DRC11: variants seen among roughly 807,000 people sequenced by gnomAD.
DRC11 encodes the protein IQ and AAA domain-containing protein 1.
the DRC11 span, among the ~76,000 whole-genome samples, chr2:236,344,385 C>A: frequency 6.6e-6 from 1 of 152,132 alleles, no homozygotes; most frequent in Non-Finnish European, 1.5e-5. Context: ...AAAGTCAGAC[C>A]ACAGAACCCT....
the DRC11 span, among the ~76,000 whole-genome samples, chr2:236,491,059 T>TATACAC: frequency 1.8e-4 from 25 of 138,220 alleles, no homozygotes; most frequent in African/African-American, 6.5e-4. Context: ...TATATATATA[T>TATACAC]ACACACAGTA....
At chr2:236,356,989 T>A in the DRC11 span, among the ~76,000 whole-genome samples, 5 of 97,376 alleles carry the variant, frequency 5.1e-5, no homozygotes, top group East Asian at 2.3e-4. Context: ...ATATATTATA[T>A]ATCTATATAT....
chr2:236,451,125 G>C, the DRC11 span, among the ~76,000 whole-genome samples: 2 of 151,858 alleles, frequency 1.3e-5, no homozygotes. Context: ...GCATATCCTT[G>C]ATTGTTAAAA....
chr2:236,357,067 C>CGTATATATCG, the DRC11 span, among the ~76,000 whole-genome samples: 2 of 116,050 alleles, frequency 1.7e-5, no homozygotes, highest in African/African-American at 6.5e-5. Context: ...TTTATATATT[C>CGTATATATCG]ATATATTATA....
At chr2:236,431,047 G>A in the DRC11 span, among the ~76,000 whole-genome samples, 1 of 152,132 alleles carries the variant, frequency 6.6e-6, no homozygotes, top group African/African-American at 2.4e-5. This position sits in a 1 kb window ranked among gnomAD's most constrained non-coding sequence, Gnocchi z 4.2. Context: ...TTTTATTGAA[G>A]CATATCATAT....
chr2:236,379,887 C>T, the DRC11 span, among the ~76,000 whole-genome samples: 2 of 151,244 alleles, frequency 1.3e-5, no homozygotes, highest in African/African-American at 4.9e-5. Context: ...AGCGACAGGA[C>T]CAAGGGAGAG....
the DRC11 span, among the ~76,000 whole-genome samples, chr2:236,430,242 TTG>T: frequency 2.6e-5 from 4 of 152,090 alleles, no homozygotes; most frequent in Non-Finnish European, 4.4e-5. This position sits in a 1 kb window ranked among gnomAD's most constrained non-coding sequence, Gnocchi z 6.0. Context: ...ACTGGCATTG[TTG>T]TGTTATGTTT....
the DRC11 span, among the ~76,000 whole-genome samples, chr2:236,450,699 C>G: frequency 2.6e-5 from 4 of 152,252 alleles, no homozygotes; most frequent in South Asian, 2.1e-4. Flanking sequence ...ATTCTTACTA[C>G]GTTTTTAACC....
the DRC11 span, among the ~76,000 whole-genome samples, chr2:236,357,329 CAT>C: frequency 9.1e-5 from 8 of 87,964 alleles, no homozygotes; most frequent in African/African-American, 6.3e-4. Flanking sequence ...TATATATATT[CAT>C]ATATGAATAT....
At chr2:236,492,950 C>T in the DRC11 span, among the ~76,000 whole-genome samples, 1 of 152,228 alleles carries the variant, frequency 6.6e-6, no homozygotes, top group Non-Finnish European at 1.5e-5. Flanking sequence ...TTATTCTTCC[C>T]CCAATGACAG....
At chr2:236,406,290 T>C in the DRC11 span, among the ~76,000 whole-genome samples, 1 of 152,230 alleles carries the variant, frequency 6.6e-6, no homozygotes, top group Admixed American at 6.5e-5. This position sits in a 1 kb window ranked among gnomAD's most constrained non-coding sequence, Gnocchi z 4.7. Flanking sequence ...CTACTGCTAT[T>C]ATTTCCTGCC....
At chr2:236,483,133 C>G in the DRC11 span, among the ~76,000 whole-genome samples, 1 of 152,198 alleles carries the variant, frequency 6.6e-6, no homozygotes, top group African/African-American at 2.4e-5. The surrounding 1 kb of genome is among the most constrained non-coding windows in gnomAD (Gnocchi z 4.8). Context: ...TGAAATCATA[C>G]AGTATTTGTC....
At chr2:236,310,200 T>G in the DRC11 span, among the ~76,000 whole-genome samples, 1 of 152,164 alleles carries the variant, frequency 6.6e-6, no homozygotes, top group African/African-American at 2.4e-5. The surrounding 1 kb of genome is among the most constrained non-coding windows in gnomAD (Gnocchi z 5.5). Context: ...CTGGGAAAGA[T>G]CTACACTCCT....
At chr2:236,336,467 CACT>C in the DRC11 span, among the ~76,000 whole-genome samples, 3 of 150,708 alleles carry the variant, frequency 2.0e-5, no homozygotes, top group Non-Finnish European at 4.4e-5. The surrounding 1 kb of genome is among the most constrained non-coding windows in gnomAD (Gnocchi z 7.3). Context: ...CGGCCACCAC[CACT>C]GCCACCACGG....
chr2:236,475,650 C>T, the DRC11 span, among the ~76,000 whole-genome samples: 5 of 152,256 alleles, frequency 3.3e-5, no homozygotes, highest in East Asian at 9.6e-4. This position sits in a 1 kb window ranked among gnomAD's most constrained non-coding sequence, Gnocchi z 4.8. Flanking sequence ...TTTGCATTCC[C>T]ACCAACAGTG....
the DRC11 span, among the ~76,000 whole-genome samples, chr2:236,477,865 G>A: frequency 6.6e-6 from 1 of 152,164 alleles, no homozygotes; most frequent in East Asian, 1.9e-4. Context: ...ATATATTTCT[G>A]TGGTATCGTT....
the DRC11 span, among the ~76,000 whole-genome samples, chr2:236,395,330 C>G: frequency 9.9e-5 from 15 of 152,218 alleles, no homozygotes; most frequent in Admixed American, 3.3e-4. Context: ...CTGAACAACT[C>G]TCTTTACACA....
the DRC11 span, chr2:236,488,176 T>C: frequency 1.9e-6 from 3 of 1,596,774 alleles, no homozygotes; most frequent in Non-Finnish European, 2.6e-6. Flanking sequence ...AAAGGGATAC[T>C]CTTTACAGGG....
At chr2:236,473,957 T>C in the DRC11 span, among the ~76,000 whole-genome samples, 1 of 152,196 alleles carries the variant, frequency 6.6e-6, no homozygotes. This position sits in a 1 kb window ranked among gnomAD's most constrained non-coding sequence, Gnocchi z 4.8. Flanking sequence ...CAATGATTTC[T>C]ACATTGGTAT....
Sources: gnomAD v4.1 joint callset for allele counts (sites outside exome capture counted in the v4.1 genomes callset) on GRCh38, gnomAD v4.1.1 for gene constraint, Gnocchi (gnomAD v3.1) non-coding constraint, MANE v1.5 for transcripts, NCBI Gene and HGNC (gene_info 2026-07-23, HGNC 2026-07-21) for gene names.